ZC3H6: variants seen among roughly 807,000 people sequenced by gnomAD.
The protein encoded by ZC3H6 is zinc finger CCCH-type containing 6.
A neutral mutation model predicts 107.7 loss-of-function variants in ZC3H6; 40 were observed. That is an observed-to-expected ratio of 0.37 (90% CI 0.29 to 0.48). ZC3H6 has a LOEUF of 0.48. Ranked by LOEUF, ZC3H6 falls within the 20% of genes least tolerant of loss-of-function variation. The pLI is 0.98. For missense variants in ZC3H6, 1,267 were observed against 1,410.4 expected (o/e 0.90, Z 1.63); for synonymous variants, 493 against 487.9 (o/e 1.01, Z -0.14).
At chr2:112,300,977 C>A (rs1346033079) in intron 2 of ZC3H6, among the ~76,000 whole-genome samples, 1 of 152,148 alleles carries the variant, frequency 6.6e-6, no homozygotes, top group Non-Finnish European at 1.5e-5. Context: ...AAGGAAGAAA[C>A]AAGTTATCTC....
chr2:112,277,308 A>G (rs1229916961), intron 1 of ZC3H6, among the ~76,000 whole-genome samples: 3 of 152,182 alleles, frequency 2.0e-5, no homozygotes, highest in South Asian at 2.1e-4. Context: ...TAAAAAGGAA[A>G]TTCTTAGAAT....
Position 112,275,776 on chromosome 2 carries a change from G to T in ZC3H6, c.-219G>T. On this transcript the variant is annotated 5_prime_UTR_variant, in exon 1 of 12. Transcript: ENST00000409871. ...CGGCAGCGCGGGGCCGTTGCCCAGT[G>T]TTTGCAGTTAGAGCCCCATCTCTCT... 2.2e-6 allele frequency: 1 copy of T among 460,602 alleles called. No individual in the cohort carries two copies. The highest frequency in any genetic ancestry group is 3.9e-6 in the Non-Finnish European group (1 of 257,894). The allele number at this position is 460,602 out of a possible 1,614,324, so 28.5% of individuals were successfully genotyped here. A position where few individuals can be genotyped will look rare whatever the true frequency, so the allele number is the denominator to read the frequency against.
rs1382514053 is a variant in ZC3H6 at position 112,336,285 on chromosome 2, G to A, written c.*3797G>A. 6.6e-6 allele frequency: 1 copy of A among 152,202 alleles called. No individual in the cohort carries two copies. Among genetic ancestry groups the A allele is most frequent in the African/African-American group, 2.4e-5 (1 of 41,448 alleles). 9.4% of individuals were successfully genotyped at this position (152,202 alleles called of 1,614,324 possible). On this transcript the variant is annotated 3_prime_UTR_variant, in exon 12 of 12. Transcript: ENST00000409871. ...TGATGTTTTTGGAGGGTTGGACTGT[G>A]TTGAAGGCTGTACCTTGGTGGGGGT...
intron 11 of ZC3H6, 147 bp from the exon 12 acceptor site, chr2:112,330,858 G>T (rs1677013275): frequency 3.6e-6 from 1 of 277,472 alleles, no homozygotes; most frequent in Non-Finnish European, 6.0e-6. Flanking sequence ...ACTTATTTCA[G>T]AAATAGTATG....
chr2:112,320,432 C>G (rs530035714), intron 7 of ZC3H6, among the ~76,000 whole-genome samples: 51 of 152,164 alleles, frequency 3.4e-4, no homozygotes, highest in African/African-American at 1.2e-3. Context: ...CTCATTTGTA[C>G]ACAGTTCTGC....
Position 112,317,255 on chromosome 2 carries a change from TG to T in ZC3H6, c.901del (p.Glu301ArgfsTer52). 1 of 1,578,464 alleles carries T rather than the reference TG, an allele frequency of 6.3e-7. No individual in the cohort carries two copies. Among genetic ancestry groups the T allele is most frequent in the South Asian group, 1.2e-5 (1 of 82,694 alleles). On this transcript the variant is annotated frameshift_variant, in exon 7 of 12. Coordinates refer to ENST00000409871, the MANE Select transcript of ZC3H6 (RefSeq NM_198581.3). LOFTEE classifies it high-confidence loss of function. ...DQCKFDHDAE[L>X]EKRKEICKFY... ...TGTAAATTTGATCATGATGCAGAGT[TG>T]GAGAAAAGAAAAGAGATCTGCAAAT... is the stretch of plus-strand genomic sequence containing the variant.
At chr2:112,283,006 G>C (rs949536279) in intron 1 of ZC3H6, among the ~76,000 whole-genome samples, 2 of 152,154 alleles carry the variant, frequency 1.3e-5, no homozygotes, top group Admixed American at 6.5e-5. Flanking sequence ...ATTTCTGGTA[G>C]ATATATTTTT....
chr2:112,285,396 AC>A (rs1406202232), intron 1 of ZC3H6, among the ~76,000 whole-genome samples: 2 of 151,222 alleles, frequency 1.3e-5, no homozygotes, highest in African/African-American at 4.9e-5. Flanking sequence ...TAACTCTGTC[AC>A]CCAGGCTGGA....
intron 1 of ZC3H6, among the ~76,000 whole-genome samples, chr2:112,291,171 C>G (rs1269004132): frequency 6.6e-6 from 1 of 152,220 alleles, no homozygotes; most frequent in Admixed American, 6.5e-5. Flanking sequence ...TTAGTTTCAT[C>G]TTAATCTCTA....
At chr2:112,301,857 A>T (rs189006318) in intron 2 of ZC3H6, among the ~76,000 whole-genome samples, 2 of 152,100 alleles carry the variant, frequency 1.3e-5, no homozygotes, top group Non-Finnish European at 2.9e-5. Flanking sequence ...AAACTTATCA[A>T]TAATAAAAGG....
rs375900158 is a variant in ZC3H6, at chr2:112,325,217, T to C, written c.2086+20T>C. ...AAGAAGGTGTGTCAGAAGTTATTAA[T>C]AGCATCTTACCTATTTGGATGGGTT... On this transcript the variant is annotated intron_variant, in intron 11 of 11. Transcript: ENST00000409871. The C allele has an allele frequency of 7.0e-5, 112 of 1,609,730 alleles. No individual in the cohort carries two copies. The highest frequency in any genetic ancestry group is 1.2e-5 in the Non-Finnish European group (14 of 1,176,582).
At chr2:112,288,035 C>T (rs1326886729) in intron 1 of ZC3H6, among the ~76,000 whole-genome samples, 1 of 152,190 alleles carries the variant, frequency 6.6e-6, no homozygotes, top group Non-Finnish European at 1.5e-5. Context: ...ACCATAATCC[C>T]TGTGATCACT....
Position 112,275,882 on chromosome 2 carries a change from T to C in ZC3H6, c.-113T>C. 6.2e-6 allele frequency: 5 copies of C among 811,078 alleles called. No individual in the cohort carries two copies. The highest frequency in any genetic ancestry group is 9.4e-6 in the Non-Finnish European group (5 of 533,518). 50.2% of individuals were successfully genotyped at this position (811,078 alleles called of 1,614,324 possible). ...TGAGTTTTTACCACTTCGTCACCTG[T>C]CGGCGGCGGCCGGGAGCAGGTTCCC... On this transcript the variant is annotated 5_prime_UTR_variant, in exon 1 of 12. Coordinates refer to ENST00000409871, the MANE Select transcript of ZC3H6 (RefSeq NM_198581.3).
In ZC3H6 at chr2:112,338,781, T is replaced by G. The variant is rs1677181910; in HGVS notation, c.*6293T>G. 1 of 149,100 alleles carries G rather than the reference T, an allele frequency of 6.7e-6. No individual in the cohort carries two copies. Among genetic ancestry groups the G allele is most frequent in the Non-Finnish European group, 1.5e-5 (1 of 67,190 alleles). 9.2% of individuals were successfully genotyped at this position (149,100 alleles called of 1,614,324 possible). ...GAGGCTCAATTAAAAAATAACCATA[T>G]TCTCAAACCTCCATTACCACTAATA... On this transcript the variant is annotated 3_prime_UTR_variant, in exon 12 of 12. Transcript: ENST00000409871.
In ZC3H6 at chr2:112,331,501, CATT is replaced by C; in HGVS notation, c.2585_2587del (p.Ile862del). 6.2e-7 allele frequency: 1 copy of C among 1,613,992 alleles called. No homozygotes were observed. The highest frequency in any genetic ancestry group is 8.5e-7 in the Non-Finnish European group (1 of 1,179,882). On this transcript the variant is annotated inframe_deletion, in exon 12 of 12. Transcript: ENST00000409871. Reference sequence around the variant, plus strand: ...GGTCACAATTGAGACAGTTCAGTCACATTAAAATGGACATTACTCTAACCAAAC... The same window carrying C: ...GGTCACAATTGAGACAGTTCAGTCACAAAATGGACATTACTCTAACCAAAC...
chr2:112,301,457 C>T (rs1189899696), intron 2 of ZC3H6, among the ~76,000 whole-genome samples: 2 of 152,126 alleles, frequency 1.3e-5, no homozygotes, highest in East Asian at 3.8e-4. Flanking sequence ...TTTTTGAATA[C>T]TTCATGCTAA....
At chr2:112,288,458 C>G (rs1686651852) in intron 1 of ZC3H6, among the ~76,000 whole-genome samples, 1 of 152,202 alleles carries the variant, frequency 6.6e-6, no homozygotes, top group African/African-American at 2.4e-5. Context: ...TTAACTTTAT[C>G]TCAATCCTTA....
At chr2:112,296,551 G>T (rs1558948908) in intron 1 of ZC3H6, among the ~76,000 whole-genome samples, 1 of 152,108 alleles carries the variant, frequency 6.6e-6, no homozygotes, top group Non-Finnish European at 1.5e-5. Flanking sequence ...AGGTTTTGTA[G>T]TTTATAAAAG....
At position 112,339,894 on chromosome 2, in the gene ZC3H6, T is replaced by G. The variant is rs1173312555; in HGVS notation, c.*7406T>G. ...GGGTATACTTTGCTGAACTGATAAA[T>G]TATTCTATTAAGGACTAACCCAGTA... On this transcript the variant is annotated 3_prime_UTR_variant, in exon 12 of 12. Coordinates refer to ENST00000409871, the MANE Select transcript of ZC3H6 (RefSeq NM_198581.3). The G allele has an allele frequency of 2.0e-5, 3 of 152,152 alleles. 1 individual carries two copies. The East Asian group carries it at 5.8e-4, about 29-fold the overall frequency. 9.4% of individuals were successfully genotyped at this position (152,152 alleles called of 1,614,324 possible). A position where few individuals can be genotyped will look rare whatever the true frequency, so the allele number is the denominator to read the frequency against.
Sources: allele counts gnomAD v4.1 joint callset (sites outside exome capture counted in the v4.1 genomes callset), GRCh38; gene constraint gnomAD v4.1.1; transcripts MANE v1.5; gene names NCBI Gene and HGNC (gene_info 2026-07-23, HGNC 2026-07-21).